Variants in WWP1 observed in about 807,000 individuals in gnomAD.
The protein encoded by WWP1 is WW domain containing E3 ubiquitin protein ligase 1, also known as NEDD4-like E3 ubiquitin-protein ligase WWP1.
A neutral mutation model predicts 130.6 loss-of-function variants in WWP1; 49 were observed. That is an observed-to-expected ratio of 0.38 (90% CI 0.30 to 0.48). The LOEUF (loss-of-function observed/expected upper bound fraction) is 0.48, where lower values mean the gene tolerates loss of function less well. WWP1 is among the 20% of genes least tolerant of loss of function. The pLI is 0.99. For missense variants in WWP1, 809 were observed against 1,100.6 expected, an observed-to-expected ratio of 0.74 and a Z score of 3.75; for synonymous variants, 332 against 367.8, an observed-to-expected ratio of 0.90 and a Z score of 1.11.
intron 1 of WWP1, among the ~76,000 whole-genome samples, chr8:86,351,419 G>A (rs1480392081): frequency 6.6e-6 from 1 of 151,962 alleles, no homozygotes. Context: ...GTTCATAGCA[G>A]GCTTGACCTC....
chr8:86,393,387 G>A (rs1473665568), intron 5 of WWP1, among the ~76,000 whole-genome samples: 1 of 151,924 alleles, frequency 6.6e-6, no homozygotes, highest in Non-Finnish European at 1.5e-5. Flanking sequence ...AGCTGGGACT[G>A]CAGGCACGTG....
At chr8:86,430,421 T>C (rs72688596) in intron 11 of WWP1, among the ~76,000 whole-genome samples, 8,273 of 152,014 alleles carry the variant, frequency 0.054, 318 homozygotes, top group Non-Finnish European at 0.086. Flanking sequence ...GCTGGGACTT[T>C]AGGCATGTGC....
At chr8:86,439,193 A>G (rs1810463121) in intron 17 of WWP1, among the ~76,000 whole-genome samples, 1 of 152,100 alleles carries the variant, frequency 6.6e-6, no homozygotes, top group Admixed American at 6.6e-5. Flanking sequence ...AATAAAAAAA[A>G]TTAGCCAGGC....
chr8:86,342,900 C>G lies in WWP1; in HGVS notation c.-145C>G, dbSNP rs1406156313. ...AGGAGGTGCCGCTGCCGTGGCCGCC[C>G]GGCTGCCGGGAGCCGACAGCTTCGC... On this transcript the variant is annotated 5_prime_UTR_variant, in exon 1 of 25. Coordinates refer to ENST00000517970, the MANE Select transcript of WWP1 (RefSeq NM_007013.4). The G allele has an allele frequency of 4.3e-6, 1 of 233,176 alleles. No individual in the cohort carries two copies. The highest frequency in any genetic ancestry group is 8.0e-6 in the Non-Finnish European group (1 of 124,330). The allele number at this position is 233,176 out of a possible 1,614,324, so 14.4% of individuals were successfully genotyped here. A position where few individuals can be genotyped will look rare whatever the true frequency, so the allele number is the denominator to read the frequency against.
At chr8:86,355,671 C>G (rs1160779321) in intron 1 of WWP1, among the ~76,000 whole-genome samples, 1 of 152,134 alleles carries the variant, frequency 6.6e-6, no homozygotes, top group East Asian at 1.9e-4. Flanking sequence ...CTTACCTACT[C>G]CATTGTTTAT....
At chr8:86,398,668 G>T in intron 7 of WWP1, 30 bp downstream of exon 7, 1 of 1,601,460 alleles carries the variant, frequency 6.2e-7, no homozygotes, top group Non-Finnish European at 8.5e-7. Flanking sequence ...TATGGGTGGC[G>T]ACATGATGTG....
chr8:86,461,949 A>T, intron 24 of WWP1, 103 bp downstream of exon 24: 1 of 892,334 alleles, frequency 1.1e-6, no homozygotes, highest in Non-Finnish European at 1.8e-6. Flanking sequence ...TATTCATTAA[A>T]GTAGTCAGAA....
intron 9 of WWP1, among the ~76,000 whole-genome samples, chr8:86,416,897 G>A (rs1276724339): frequency 6.6e-6 from 1 of 152,108 alleles, no homozygotes; most frequent in East Asian, 1.9e-4. Flanking sequence ...AGCCAGAGCA[G>A]CCCCCTTTAC....
chr8:86,432,228 G>A (rs1209844400), intron 14 of WWP1, among the ~76,000 whole-genome samples: 4 of 152,152 alleles, frequency 2.6e-5, no homozygotes, highest in South Asian at 2.1e-4. Context: ...TTAAGCGGTT[G>A]ACAGATCTCT....
chr8:86,466,683 A>G lies in WWP1; in HGVS notation c.2670-111A>G, dbSNP rs545195443. ...TAAATACTTCTGGCAAAATTTTAAC[A>G]TATATAGTATACATATATCCATTCA... On this transcript the variant is annotated intron_variant, in intron 24 of 24. Transcript: ENST00000517970. The G allele has an allele frequency of 4.7e-5, 28 of 589,952 alleles. 1 individual carries two copies. The South Asian group carries it at 9.1e-4, about 19-fold the overall frequency. 36.5% of individuals were successfully genotyped at this position (589,952 alleles called of 1,614,324 possible).
intron 1 of WWP1, among the ~76,000 whole-genome samples, chr8:86,349,652 C>T (rs373455019): frequency 3.9e-5 from 6 of 152,210 alleles, no homozygotes; most frequent in African/African-American, 1.4e-4. Flanking sequence ...GCTTACTACG[C>T]AAATGGGAAT....
At chr8:86,393,312 T>C (rs1807462390) in intron 5 of WWP1, among the ~76,000 whole-genome samples, 1 of 152,138 alleles carries the variant, frequency 6.6e-6, no homozygotes, top group Non-Finnish European at 1.5e-5. Flanking sequence ...GTTGAAGCGA[T>C]TCTCCTTGCC....
At chr8:86,343,051 C>T in intron 1 of WWP1, 121 bp downstream of exon 1, 1 of 296,118 alleles carries the variant, frequency 3.4e-6, no homozygotes, top group Non-Finnish European at 6.2e-6. Flanking sequence ...CTGGACCCTC[C>T]TAGGACCCGT....
Position 86,342,570 on chromosome 8 carries a change from T to G in WWP1, c.-475T>G, listed in dbSNP as rs1419055096. Among the ~76,000 whole-genome samples the G allele has an allele frequency of 1.3e-5, 2 of 151,016 alleles. No individual in the cohort carries two copies. The highest frequency in any genetic ancestry group is 2.0e-4 in the East Asian group (1 of 5,118). ...GGATTCCGGGTCCGGAGTTGGAGGC[T>G]TTGGGCGGCCGCGGCGTAGCGCGCG... On this transcript the variant is annotated 5_prime_UTR_variant, in exon 1 of 25. Transcript: ENST00000517970.
chr8:86,445,014 T>C (rs895513713), intron 18 of WWP1, among the ~76,000 whole-genome samples: 15 of 152,096 alleles, frequency 9.9e-5, no homozygotes, highest in Non-Finnish European at 2.1e-4. Flanking sequence ...GGCCTCAGGC[T>C]GCTTCCACTC....
intron 5 of WWP1, among the ~76,000 whole-genome samples, chr8:86,391,317 C>T (rs1233369631): frequency 6.6e-6 from 1 of 152,214 alleles, no homozygotes; most frequent in Non-Finnish European, 1.5e-5. Context: ...TTTAAGCCAT[C>T]ATTTGTGCCT....
At chr8:86,450,430 TTC>T (rs1811115792) in intron 20 of WWP1, among the ~76,000 whole-genome samples, 1 of 152,206 alleles carries the variant, frequency 6.6e-6, no homozygotes, top group Admixed American at 6.5e-5. Flanking sequence ...GCACTGGACT[TTC>T]TATATTTGTT....
chr8:86,458,834 A>G (rs888746137), intron 22 of WWP1, among the ~76,000 whole-genome samples: 2 of 152,126 alleles, frequency 1.3e-5, no homozygotes, highest in African/African-American at 4.8e-5. Context: ...CTAGAAATTT[A>G]TCTTAAAATA....
chr8:86,363,360 A>C (rs1823779380), intron 1 of WWP1, among the ~76,000 whole-genome samples: 1 of 152,234 alleles, frequency 6.6e-6, no homozygotes, highest in African/African-American at 2.4e-5. Flanking sequence ...TGCTTCCTTG[A>C]ACTTTTAGTT....
Sources: allele counts gnomAD v4.1 joint callset (sites outside exome capture counted in the v4.1 genomes callset), GRCh38; gene constraint gnomAD v4.1.1; transcripts MANE v1.5; gene names NCBI Gene and HGNC (gene_info 2026-07-23, HGNC 2026-07-21).